Variants in ANK3 observed in about 807,000 individuals in gnomAD.
ANK3 encodes ankyrin 3.
ANK3 carries 57 observed loss-of-function variants against 370.9 expected under a neutral mutation model. The ratio of observed to expected loss-of-function variants is 0.15; its 90% CI spans 0.12 to 0.19. The LOEUF (loss-of-function observed/expected upper bound fraction) is 0.19. ANK3 is among the 10% of genes least tolerant of loss of function. The pLI, the probability that ANK3 is intolerant of heterozygous loss-of-function variation, is 1.00. For missense variants in ANK3, 4,439 were observed against 5,302.1 expected, an observed-to-expected ratio of 0.84 and a Z score of 5.06; for synonymous variants, 1,929 against 1,946.3, an observed-to-expected ratio of 0.99 and a Z score of 0.23.
At chr10:60,311,137 G>A (rs750367109) in intron 1 of ANK3, among the ~76,000 whole-genome samples, 30 of 152,190 alleles carry the variant, frequency 2.0e-4, no homozygotes, top group Non-Finnish European at 4.1e-4. Flanking sequence ...ACAAAGACTT[G>A]TGGAAGTGTC....
At chr10:60,140,488 C>A in intron 23 of ANK3, 1 of 1,574,672 alleles carries the variant, frequency 6.4e-7, no homozygotes, top group Non-Finnish European at 8.6e-7. Context: ...TATCCACTCT[C>A]TTCACCACCG....
Position 60,074,082 on chromosome 10 carries a change from T to C in ANK3, c.6799A>G (p.Ile2267Val). ...PPGGEGASER[I>V]EETMSVHDIM... Reference sequence around the variant, plus strand: ...TCATGGACTGACATGGTTTCTTCAATTCTTTCAGATGCACCTTCACCGCCT... The same window carrying C: ...TCATGGACTGACATGGTTTCTTCAACTCTTTCAGATGCACCTTCACCGCCT... The change falls in exon 37 of 44, where the codon ATT becomes GTT. Residue 2267 changes from isoleucine to valine, a missense_variant. By Grantham distance (29) the Ile-to-Val change is conservative. Coordinates refer to ENST00000280772, the MANE Select transcript of ANK3 (RefSeq NM_020987.5). 6.2e-7 allele frequency: 1 copy of C among 1,614,104 alleles called. No individual in the cohort carries two copies. The highest frequency in any genetic ancestry group is 8.5e-7 in the Non-Finnish European group (1 of 1,179,982).
chr10:60,084,964 G>T, intron 31 of ANK3, 134 bp from the exon 32 acceptor site: 1 of 765,564 alleles, frequency 1.3e-6, no homozygotes, highest in Non-Finnish European at 2.0e-6. Context: ...CATTTAAACA[G>T]CAAAGATGCT....
intron 2 of ANK3, among the ~76,000 whole-genome samples, chr10:60,445,006 G>A (rs1202796495): frequency 2.0e-5 from 3 of 152,174 alleles, no homozygotes; most frequent in African/African-American, 7.2e-5. Flanking sequence ...AAAGTCATTA[G>A]TGTTTTGAGA....
Position 60,234,802 on chromosome 10 carries a change from A to G in ANK3, c.799-16T>C, listed in dbSNP as rs769314040. Reference sequence around the variant, plus strand: ...TGATGTCATTCTGGGAAGAAGAGGAAAAAGTACAGATTTGATATTTTTGGT... The same window carrying G: ...TGATGTCATTCTGGGAAGAAGAGGAGAAAGTACAGATTTGATATTTTTGGT... On this transcript the variant is annotated splice_polypyrimidine_tract_variant and intron_variant, in intron 7 of 43. Coordinates refer to ENST00000280772, the MANE Select transcript of ANK3 (RefSeq NM_020987.5). The G allele has an allele frequency of 1.9e-6, 3 of 1,549,104 alleles. No individual in the cohort carries two copies. In the South Asian group the frequency reaches 3.4e-5, roughly 17 times the overall value.
chr10:60,352,779 A>G (rs1468213366), intron 1 of ANK3, among the ~76,000 whole-genome samples: 1 of 152,220 alleles, frequency 6.6e-6, no homozygotes, highest in Non-Finnish European at 1.5e-5. Context: ...ATTTCTACTT[A>G]GAAACTAAAA....
intron 2 of ANK3, among the ~76,000 whole-genome samples, chr10:60,401,431 A>C (rs933388824): frequency 6.6e-6 from 1 of 152,246 alleles, no homozygotes; most frequent in Admixed American, 6.5e-5. Context: ...CTGCCACTCA[A>C]AAAGCACAGG....
At chr10:60,413,412 G>C (rs1648132829) in intron 2 of ANK3, among the ~76,000 whole-genome samples, 1 of 152,178 alleles carries the variant, frequency 6.6e-6, no homozygotes. Context: ...AAAGATGACA[G>C]ATAAAATTTT....
intron 2 of ANK3, among the ~76,000 whole-genome samples, chr10:60,607,592 G>T (rs1421691861): frequency 1.3e-5 from 2 of 152,114 alleles, no homozygotes; most frequent in East Asian, 3.9e-4. Flanking sequence ...TAGTGCTCCG[G>T]AATCCTGACA....
chr10:60,529,340 A>T (rs989158955), intron 2 of ANK3, among the ~76,000 whole-genome samples: 6 of 152,204 alleles, frequency 3.9e-5, no homozygotes, highest in African/African-American at 7.2e-5. Flanking sequence ...ATGCCTAGGC[A>T]TAAACACAAT....
intron 1 of ANK3, among the ~76,000 whole-genome samples, chr10:60,284,484 C>T (rs1273628138): frequency 6.6e-6 from 1 of 152,158 alleles, no homozygotes; most frequent in Non-Finnish European, 1.5e-5. Flanking sequence ...CAAACCCAGT[C>T]TGGCTCTGGA....
chr10:60,368,106 A>C (rs978612870), intron 1 of ANK3, among the ~76,000 whole-genome samples: 2 of 152,180 alleles, frequency 1.3e-5, no homozygotes, highest in Admixed American at 6.5e-5. Context: ...TGTGTATCTC[A>C]CTGCATTGTT....
intron 2 of ANK3, among the ~76,000 whole-genome samples, chr10:60,474,105 C>T (rs1326133379): frequency 2.0e-5 from 3 of 151,906 alleles, no homozygotes; most frequent in African/African-American, 7.3e-5. Context: ...TGCACTCCAG[C>T]CTGGGCAACA....
At chr10:60,382,551 T>C (rs547420633) in intron 1 of ANK3, among the ~76,000 whole-genome samples, 8 of 152,176 alleles carry the variant, frequency 5.3e-5, no homozygotes, top group African/African-American at 1.9e-4. Context: ...GAAAGCAGAA[T>C]CCTGGGTGAA....
At chr10:60,343,987 T>C (rs1001818385) in intron 1 of ANK3, among the ~76,000 whole-genome samples, 1 of 152,214 alleles carries the variant, frequency 6.6e-6, no homozygotes, top group East Asian at 1.9e-4. Flanking sequence ...TCCATGGACC[T>C]GGGCCTATAT....
chr10:60,543,275 A>G (rs149721716), intron 2 of ANK3, among the ~76,000 whole-genome samples: 3 of 152,110 alleles, frequency 2.0e-5, no homozygotes, highest in East Asian at 1.9e-4. Context: ...AATTTAGAGT[A>G]TACATCTTTT....
intron 1 of ANK3, among the ~76,000 whole-genome samples, chr10:60,381,888 GC>G (rs1040078344): frequency 6.6e-6 from 1 of 152,092 alleles, no homozygotes; most frequent in Admixed American, 6.6e-5. Context: ...GAGCCTCAAG[GC>G]CCATTCTCTT....
chr10:60,371,015 T>A (rs1188821753), intron 1 of ANK3, among the ~76,000 whole-genome samples: 1 of 152,166 alleles, frequency 6.6e-6, no homozygotes, highest in Non-Finnish European at 1.5e-5. Context: ...CACTCACACA[T>A]GACATCACTG....
chr10:60,413,555 C>T (rs1458351618), intron 2 of ANK3, among the ~76,000 whole-genome samples: 3 of 152,116 alleles, frequency 2.0e-5, no homozygotes, highest in African/African-American at 7.2e-5. Context: ...TCAAATATCA[C>T]ATTAACCTTT....
Sources: allele counts gnomAD v4.1 joint callset (sites outside exome capture counted in the v4.1 genomes callset), GRCh38; gene constraint gnomAD v4.1.1; transcripts MANE v1.5; gene names NCBI Gene and HGNC (gene_info 2026-07-23, HGNC 2026-07-21).